Variants in TRAP1 observed in about 807,000 individuals in gnomAD.
TRAP1 encodes the protein heat shock protein 75 kDa, mitochondrial.
In TRAP1, 102 loss-of-function variants were observed where a neutral mutation model predicts 89.1. That is an observed-to-expected ratio of 1.15 (90% CI 0.98 to 1.35). The LOEUF (loss-of-function observed/expected upper bound fraction) is 1.35. Ranked by LOEUF, TRAP1 falls within the 40% of genes most tolerant of loss-of-function variation. TRAP1 has a pLI of 0.00. For missense variants in TRAP1, 1,256 were observed against 945.3 expected, an observed-to-expected ratio of 1.33 and a Z score of -4.31; for synonymous variants, 508 against 388.0, an observed-to-expected ratio of 1.31 and a Z score of -3.64.
intron 1 of TRAP1, among the ~76,000 whole-genome samples, chr16:3,694,706 G>A (rs530235772): frequency 2.8e-4 from 42 of 152,210 alleles, no homozygotes; most frequent in African/African-American, 1.0e-3. Context: ...TTGAACTCCT[G>A]GACTCAAGTA....
intron 5 of TRAP1, chr16:3,678,165 A>C (rs1278626633): frequency 6.5e-6 from 1 of 153,710 alleles, no homozygotes; most frequent in African/African-American, 2.4e-5. Flanking sequence ...CCTAAGGCCA[A>C]AGTCAAGTAA....
In TRAP1 at chr16:3,702,563, T is replaced by C. The variant is rs960417457; in HGVS notation, c.89-11578A>G. Among the ~76,000 whole-genome samples, 15 of 149,266 alleles carry C rather than the reference T, an allele frequency of 1.0e-4. 1 individual carries two copies. Among genetic ancestry groups the C allele is most frequent in the Admixed American group, 1.0e-3 (15 of 15,010 alleles). On this transcript the variant is annotated intron_variant, in intron 1 of 17. Coordinates refer to ENST00000246957, the MANE Select transcript of TRAP1 (RefSeq NM_016292.3). ...TTTGAGACCAGCATGGGCAAACTGG[T>C]GAAACCCCGTCCCTACCAAAAATAC... is the stretch of plus-strand genomic sequence containing the variant.
At chr16:3,659,751 AG>A (rs2042956859) in intron 16 of TRAP1, 2 of 52,776 alleles carry the variant, frequency 3.8e-5, no homozygotes, top group African/African-American at 5.0e-4. Context: ...TTTTTTTTTT[AG>A]ATAGATAGAT....
At chr16:3,681,424 G>C (rs1408548209) in intron 4 of TRAP1, among the ~76,000 whole-genome samples, 1 of 152,150 alleles carries the variant, frequency 6.6e-6, no homozygotes, top group African/African-American at 2.4e-5. Flanking sequence ...AGGCAGCACA[G>C]GCAGAATGGG....
At chr16:3,702,369 G>C (rs892455890) in intron 1 of TRAP1, among the ~76,000 whole-genome samples, 3 of 151,876 alleles carry the variant, frequency 2.0e-5, no homozygotes, top group African/African-American at 7.3e-5. Context: ...GTGAGAGCCA[G>C]AAGGGGCCAC....
chr16:3,690,739 C>T, intron 2 of TRAP1, 88 bp downstream of exon 2: 3 of 1,279,364 alleles, frequency 2.3e-6, no homozygotes, highest in Non-Finnish European at 3.0e-6. Context: ...GTGGCTCTAC[C>T]AATCACTGCC....
At chr16:3,672,323 C>CA (rs978582953) in intron 10 of TRAP1, among the ~76,000 whole-genome samples, 1 of 152,104 alleles carries the variant, frequency 6.6e-6, no homozygotes, top group African/African-American at 2.4e-5. Context: ...AGACTCGTCT[C>CA]AAAAAACAAA....
chr16:3,705,315 C>T (rs906586950), intron 1 of TRAP1, among the ~76,000 whole-genome samples: 7 of 152,092 alleles, frequency 4.6e-5, no homozygotes, highest in East Asian at 1.9e-4. Context: ...GTGATCCGCC[C>T]GCATCGGCCT....
At chr16:3,663,373 C>A in intron 14 of TRAP1, 51 bp downstream of exon 14, 1 of 1,609,616 alleles carries the variant, frequency 6.2e-7, no homozygotes, top group Non-Finnish European at 8.5e-7. Context: ...GCAGGAGAGG[C>A]GTGCGGGGAG....
At chr16:3,684,370 A>G (rs2051111691) in intron 4 of TRAP1, among the ~76,000 whole-genome samples, 1 of 152,230 alleles carries the variant, frequency 6.6e-6, no homozygotes, top group Admixed American at 6.5e-5. Flanking sequence ...CCCTAAAAAT[A>G]ACAAAAAGCA....
At position 3,690,958 on chromosome 16, in the gene TRAP1, G is replaced by T; in HGVS notation, c.116C>A (p.Thr39Asn). ...GGKPILCPRR[T>N]TAQLGPRRNP... ...TCGCCTGGGGCCCAACTGGGCTGTGGTCCTCCGAGGACACAGAATTGGTTT... is the reference window on the plus strand; with the variant it reads ...TCGCCTGGGGCCCAACTGGGCTGTGTTCCTCCGAGGACACAGAATTGGTTT... Residue 39 changes from threonine to asparagine, a missense_variant, in exon 2 of 18, where the codon ACC (threonine) becomes AAC (asparagine). Physicochemically the swap from Thr to Asn is moderately conservative, Grantham distance 65. Transcript: ENST00000246957. 6.4e-7 allele frequency: 1 copy of T among 1,555,234 alleles called. No homozygotes were observed. Among genetic ancestry groups the T allele is most frequent in the East Asian group, 2.4e-5 (1 of 41,804 alleles).
intron 8 of TRAP1, 66 bp downstream of exon 8, chr16:3,675,258 C>T (rs1045093527): frequency 2.9e-5 from 45 of 1,529,010 alleles, no homozygotes; most frequent in East Asian, 9.0e-5. Context: ...ATCTCTTCTC[C>T]GCTGCCCTGA....
At chr16:3,671,875 C>T in intron 10 of TRAP1, 84 bp from the exon 11 acceptor site, 1 of 1,435,348 alleles carries the variant, frequency 7.0e-7, no homozygotes, top group Middle Eastern at 1.7e-4. Flanking sequence ...CCTTTGTCTT[C>T]AGGCCTGGCC....
chr16:3,699,420 T>C (rs910805690), intron 1 of TRAP1, among the ~76,000 whole-genome samples: 2 of 152,124 alleles, frequency 1.3e-5, no homozygotes, highest in African/African-American at 4.8e-5. Context: ...GTGGATCACC[T>C]GAGGTCAGGA....
Position 3,675,023 on chromosome 16 carries a change from G to A in TRAP1, c.888+301C>T, listed in dbSNP as rs2050969784. On this transcript the variant is annotated intron_variant, in intron 8 of 17. Transcript: ENST00000246957. ...GGATGTTCTGGAATTGATGCGGGGT[G>A]GCTGCACAGCTCTGTGGCTGCACTG... The A allele has an allele frequency of 1.7e-5, 7 of 403,166 alleles. No homozygotes were observed. In the South Asian group the frequency reaches 2.3e-4, roughly 13 times the overall value. 25.0% of individuals were successfully genotyped at this position (403,166 alleles called of 1,614,324 possible). A position where few individuals can be genotyped will look rare whatever the true frequency, so the allele number is the denominator to read the frequency against.
rs1337293221 is a variant in TRAP1 at position 3,664,286 on chromosome 16, C to T, written c.1557G>A (p.Lys519=). The change falls in exon 13 of 18, where the codon AAG becomes AAA. Residue 519 remains lysine, a synonymous_variant. Coordinates refer to ENST00000246957, the MANE Select transcript of TRAP1 (RefSeq NM_016292.3). ...ACCGCTCACCCACCTCTGTGTCTTTCTTCTTCATGGCCTCATAGTAGGGTG... is the reference window on the plus strand; with the variant it reads ...ACCGCTCACCCACCTCTGTGTCTTTTTTCTTCATGGCCTCATAGTAGGGTG... ...EHSPYYEAMK[K]KDTEVLFCFE... 1 of 1,584,880 alleles carries T rather than the reference C, an allele frequency of 6.3e-7. No homozygotes were observed. Among genetic ancestry groups the T allele is most frequent in the Non-Finnish European group, 8.6e-7 (1 of 1,167,130 alleles).
At chr16:3,682,378 C>G (rs2051083333) in intron 4 of TRAP1, among the ~76,000 whole-genome samples, 1 of 143,276 alleles carries the variant, frequency 7.0e-6, no homozygotes, top group South Asian at 2.3e-4. Flanking sequence ...AAGCAAGACC[C>G]TGCCTCTACA....
chr16:3,678,062 C>G (rs918704327), intron 5 of TRAP1: 3 of 177,510 alleles, frequency 1.7e-5, no homozygotes, highest in East Asian at 3.4e-4. Flanking sequence ...CTCCTGGACT[C>G]TACACTTTGT....
intron 3 of TRAP1, 71 bp from the exon 4 acceptor site, chr16:3,686,207 C>G: frequency 6.5e-7 from 1 of 1,535,002 alleles, no homozygotes; most frequent in African/African-American, 1.4e-5. Flanking sequence ...TGGTCAGCTG[C>G]ACTTCCAATA....
Sources: gnomAD v4.1 joint callset for allele counts (sites outside exome capture counted in the v4.1 genomes callset) on GRCh38, gnomAD v4.1.1 for gene constraint, MANE v1.5 for transcripts, NCBI Gene and HGNC (gene_info 2026-07-23, HGNC 2026-07-21) for gene names.